ATG16L2: variants seen among roughly 807,000 people sequenced by gnomAD.
The protein encoded by ATG16L2 is autophagy related 16 like 2.
Under a neutral mutation model 84.7 loss-of-function variants are expected in ATG16L2, and 77 were observed. The observed-to-expected ratio is 0.91, with a 90% CI of 0.76 to 1.10. ATG16L2 has a LOEUF of 1.10. Among genes scored for constraint, ATG16L2 ranks in the 50% least tolerant of loss-of-function variants. The pLI, the probability that ATG16L2 is intolerant of heterozygous loss-of-function variation, is 0.00. For synonymous variants in ATG16L2, 361 were observed against 342.8 expected, an observed-to-expected ratio of 1.05 and a Z score of -0.59; for missense variants, 782 against 817.6, an observed-to-expected ratio of 0.96 and a Z score of 0.53.
At chr11:72,838,538 C>G (rs544552512) in intron 5 of ATG16L2, 6 of 533,302 alleles carry the variant, frequency 1.1e-5, no homozygotes, top group East Asian at 9.7e-5. Context: ...GGGCTGCCCC[C>G]CTCTTTGCTC....
Position 72,814,438 on chromosome 11 carries a change from G to T in ATG16L2, c.-8G>T. The T allele has an allele frequency of 6.8e-7, 1 of 1,476,560 alleles. No homozygotes were observed. Among genetic ancestry groups the T allele is most frequent in the African/African-American group, 1.5e-5 (1 of 68,720 alleles). The allele number at this position is 1,476,560 out of a possible 1,614,324, so 91.5% of individuals were successfully genotyped here. On this transcript the variant is annotated 5_prime_UTR_variant, in exon 1 of 18. Transcript: ENST00000321297. ...GAGGAACGCGCCGCTAGGCGGGAGAGCGCGGCCATGGCGGGGCCGGGCGTC... is the reference window on the plus strand; with the variant it reads ...GAGGAACGCGCCGCTAGGCGGGAGATCGCGGCCATGGCGGGGCCGGGCGTC...
At chr11:72,838,881 AG>A in intron 5 of ATG16L2, 2 of 1,604,042 alleles carry the variant, frequency 1.2e-6, no homozygotes, top group Non-Finnish European at 8.5e-7. Context: ...GGACCTGAGC[AG>A]GAAACAATTA....
At position 72,822,458 on chromosome 11, in the gene ATG16L2, G is replaced by T; in HGVS notation, c.645-20G>T. The T allele has an allele frequency of 6.2e-7, 1 of 1,612,772 alleles. No individual in the cohort carries two copies. ...GCGAGGCGCCGCGCCAGGGTCTCAG[G>T]ATGCTTTTTACCCAACAAGGGCCAA... On this transcript the variant is annotated intron_variant, in intron 5 of 17. Coordinates refer to ENST00000321297, the MANE Select transcript of ATG16L2 (RefSeq NM_033388.2). This position sits in a 1 kb window ranked among gnomAD's most constrained non-coding sequence, Gnocchi z 4.2.
At chr11:72,827,048 C>T (rs1860406387) in intron 13 of ATG16L2, 140 bp from the exon 14 acceptor site, 3 of 841,290 alleles carry the variant, frequency 3.6e-6, no homozygotes, top group East Asian at 2.6e-5. Flanking sequence ...CGTGGGTGAG[C>T]CCTGTGCTGG....
At chr11:72,820,867 C>T (rs1016489148) in intron 3 of ATG16L2, among the ~76,000 whole-genome samples, 3 of 152,092 alleles carry the variant, frequency 2.0e-5, no homozygotes, top group Non-Finnish European at 4.4e-5. Context: ...ACGAGTGAGG[C>T]GGGAGTGCAG....
At position 72,824,796 on chromosome 11, in the gene ATG16L2, CTG is replaced by C; in HGVS notation, c.959_960del (p.Val320GlyfsTer18). On this transcript the variant is annotated frameshift_variant, in exon 9 of 18. Coordinates refer to ENST00000321297, the MANE Select transcript of ATG16L2 (RefSeq NM_033388.2). LOFTEE classifies it high-confidence loss of function. ...CCTGAGCAGCGATACCAGATCATCC[CTG>C]TGTGTGTGGCTGCCCGACTTCCTAC... The C allele has an allele frequency of 9.9e-6, 16 of 1,609,910 alleles. No homozygotes were observed. The highest frequency in any genetic ancestry group is 1.3e-5 in the African/African-American group (1 of 74,890).
exon 6 of ATG16L2, chr11:72,843,013 A>G: frequency 1.1e-6 from 1 of 941,200 alleles, no homozygotes; most frequent in Non-Finnish European, 1.6e-6. Context: ...TGTGCAGGAC[A>G]AACGTGACCA....
chr11:72,822,783 T>TG lies in ATG16L2; in HGVS notation c.711-64dup. Reference sequence around the variant, plus strand: ...GGGAATTCCTGTCTTCAGCGTATCCTGTGCTGGGGTCGGGAGGGGCTGGCT... The same window carrying TG: ...GGGAATTCCTGTCTTCAGCGTATCCTGGTGCTGGGGTCGGGAGGGGCTGGCT... On this transcript the variant is annotated intron_variant, in intron 6 of 17. Coordinates refer to ENST00000321297, the MANE Select transcript of ATG16L2 (RefSeq NM_033388.2). This position sits in a 1 kb window ranked among gnomAD's most constrained non-coding sequence, Gnocchi z 4.2. 4 of 1,268,622 alleles carry TG rather than the reference T, an allele frequency of 3.2e-6. No homozygotes were observed. Among genetic ancestry groups the TG allele is most frequent in the Non-Finnish European group, 4.4e-6 (4 of 909,418 alleles). The allele number at this position is 1,268,622 out of a possible 1,614,324, so 78.6% of individuals were successfully genotyped here. A position where few individuals can be genotyped will look rare whatever the true frequency, so the allele number is the denominator to read the frequency against.
chr11:72,833,129 G>A (rs1033983299), downstream of ATG16L2, among the ~76,000 whole-genome samples: 11 of 152,190 alleles, frequency 7.2e-5, no homozygotes, highest in African/African-American at 2.2e-4. Flanking sequence ...CTGCTGTTGC[G>A]CTGAGTGTCT....
chr11:72,822,585 T>G lies in ATG16L2; in HGVS notation c.710+42T>G, dbSNP rs1418209804. 10 of 1,334,000 alleles carry G rather than the reference T, an allele frequency of 7.5e-6. No individual in the cohort carries two copies. Among genetic ancestry groups the G allele is most frequent in the Non-Finnish European group, 1.0e-5 (10 of 958,354 alleles). The allele number at this position is 1,334,000 out of a possible 1,614,324, so 82.6% of individuals were successfully genotyped here. Reference sequence around the variant, plus strand: ...GCCGGTCCGACCCTTGCGTTCTGCCTCCCGCCCCGCCTGCCTGCGGCGACC... The same window carrying G: ...GCCGGTCCGACCCTTGCGTTCTGCCGCCCGCCCCGCCTGCCTGCGGCGACC... On this transcript the variant is annotated intron_variant, in intron 6 of 17. Transcript: ENST00000321297. The surrounding 1 kb of genome is among the most constrained non-coding windows in gnomAD (Gnocchi z 4.2).
Position 72,826,828 on chromosome 11 carries a change from G to A in ATG16L2, c.1366+5G>A. On this transcript the variant is annotated splice_donor_5th_base_variant and intron_variant, in intron 13 of 17. Coordinates refer to ENST00000321297, the MANE Select transcript of ATG16L2 (RefSeq NM_033388.2). ...GGGACCTCGGCCGTGCCTATTGTGA[G>A]CCCGAGCCCCAGCCCCACCTCTCCT... 6.2e-7 allele frequency: 1 copy of A among 1,612,622 alleles called. No individual in the cohort carries two copies. Among genetic ancestry groups the A allele is most frequent in the Non-Finnish European group, 8.5e-7 (1 of 1,179,602 alleles).
intron 2 of ATG16L2, 44 bp from the exon 3 acceptor site, chr11:72,817,712 G>A (rs1409797028): frequency 6.2e-7 from 1 of 1,600,054 alleles, no homozygotes; most frequent in Admixed American, 1.7e-5. Flanking sequence ...TTGGGCACTT[G>A]GGTGAACCGG....
At chr11:72,842,530 A>G (rs1320888525) in intron 5 of ATG16L2, 1 of 1,507,522 alleles carries the variant, frequency 6.6e-7, no homozygotes, top group East Asian at 2.3e-5. Context: ...TAAGGCAGAG[A>G]CTGCAGCCCA....
chr11:72,820,340 C>T (rs1435849907), intron 3 of ATG16L2: 1 of 152,168 alleles, frequency 6.6e-6, no homozygotes, highest in African/African-American at 2.4e-5. Context: ...CTGCAAAGAT[C>T]TCTTTCTTAT....
chr11:72,835,527 A>G (rs1224523144), intron 5 of ATG16L2, among the ~76,000 whole-genome samples: 3 of 152,172 alleles, frequency 2.0e-5, no homozygotes, highest in Admixed American at 2.0e-4. Context: ...CTCAGGTTCC[A>G]GATGAGGACA....
In ATG16L2 at chr11:72,822,548, G is replaced by C; in HGVS notation, c.710+5G>C. 3 of 1,612,694 alleles carry C rather than the reference G, an allele frequency of 1.9e-6. No homozygotes were observed. The highest frequency in any genetic ancestry group is 3.4e-5 in the Admixed American group (2 of 59,592). On this transcript the variant is annotated splice_donor_5th_base_variant and intron_variant, in intron 6 of 17. Transcript: ENST00000321297. This position sits in a 1 kb window ranked among gnomAD's most constrained non-coding sequence, Gnocchi z 4.2. Reference sequence around the variant, plus strand: ...GCGGACCGTGAGCATCAGCGAGTAAGAGTGGGGATGGGCCGGTCCGACCCT... The same window carrying C: ...GCGGACCGTGAGCATCAGCGAGTAACAGTGGGGATGGGCCGGTCCGACCCT...
At chr11:72,830,056 G>A (rs1025796062), downstream of ATG16L2, among the ~76,000 whole-genome samples, 1 of 152,164 alleles carries the variant, frequency 6.6e-6, no homozygotes, top group Non-Finnish European at 1.5e-5. Flanking sequence ...GACTGGGTCC[G>A]CGTTCTTCCT....
At position 72,827,266 on chromosome 11, in the gene ATG16L2, A is replaced by G. The variant is rs770712690; in HGVS notation, c.1445A>G (p.Asp482Gly). The change falls in exon 14 of 18, where the codon GAC becomes GGC. Residue 482 changes from aspartate (D) to glycine (G), a missense_variant. Transcript: ENST00000321297. ...GDHIIISGHN[D>G]QKIRFWDSRG... ...CATATCATCATTAGTGGCCACAATGACCAGAAGATCCGGTTCTGGGACAGC... is the reference window on the plus strand; with the variant it reads ...CATATCATCATTAGTGGCCACAATGGCCAGAAGATCCGGTTCTGGGACAGC... 6.2e-7 allele frequency: 1 copy of G among 1,613,948 alleles called. No individual in the cohort carries two copies. The highest frequency in any genetic ancestry group is 1.1e-5 in the South Asian group (1 of 91,066).
rs759019193 is a variant in ATG16L2 at position 72,827,168 on chromosome 11, G to A, written c.1367-20G>A. On this transcript the variant is annotated intron_variant, in intron 13 of 17. Coordinates refer to ENST00000321297, the MANE Select transcript of ATG16L2 (RefSeq NM_033388.2). ...GACAACCCTCCTCTGAGGCCCTGGGGTCTGCTGCTTGGTCCCCAGGCTCCA... is the reference window on the plus strand; with the variant it reads ...GACAACCCTCCTCTGAGGCCCTGGGATCTGCTGCTTGGTCCCCAGGCTCCA... 2 of 1,598,294 alleles carry A rather than the reference G, an allele frequency of 1.3e-6. No homozygotes were observed. The highest frequency in any genetic ancestry group is 2.7e-5 in the African/African-American group (2 of 74,578).
Sources: gnomAD v4.1 joint callset for allele counts (sites outside exome capture counted in the v4.1 genomes callset) on GRCh38, gnomAD v4.1.1 for gene constraint, Gnocchi (gnomAD v3.1) non-coding constraint, MANE v1.5 for transcripts, NCBI Gene and HGNC (gene_info 2026-07-23, HGNC 2026-07-21) for gene names.